POLR3A: variants seen among roughly 807,000 people sequenced by gnomAD.
POLR3A encodes the protein DNA-directed RNA polymerase III subunit RPC1.
In POLR3A, 112 loss-of-function variants were observed where a neutral mutation model predicts 152.8. The ratio of observed to expected loss-of-function variants is 0.73; its 90% CI spans 0.63 to 0.86. The LOEUF (loss-of-function observed/expected upper bound fraction) is 0.86, where lower values mean the gene tolerates loss of function less well. Among genes scored for constraint, POLR3A ranks in the 40% least tolerant of loss-of-function variants. The pLI is 0.00. For missense variants in POLR3A, 1,385 were observed against 1,743.1 expected (o/e 0.79, Z 3.66); for synonymous variants, 615 against 652.1 (o/e 0.94, Z 0.87).
chr10:77,985,961 G>A lies in POLR3A; in HGVS notation c.3013C>T (p.Arg1005Cys), dbSNP rs267608682. ...TTTTCTACTTGGGTGGGGGTGATGC[G>A]GTCCAGCTGGTACAGCACACGGGGC... The part of the protein sequence containing the change: ...TEPRVLYQLD[R>C]ITPTQVEKFL... The change falls in exon 23 of 31, where the codon CGC becomes TGC. Residue 1005 changes from arginine (R) to cysteine (C), a missense_variant. Coordinates refer to ENST00000372371, the MANE Select transcript of POLR3A (RefSeq NM_007055.4). 13 of 1,614,054 alleles carry A rather than the reference G, an allele frequency of 8.1e-6. No homozygotes were observed. Among genetic ancestry groups the A allele is most frequent in the Middle Eastern group, 1.6e-4 (1 of 6,062 alleles).
chr10:78,012,369 A>G (rs569307039), intron 11 of POLR3A, among the ~76,000 whole-genome samples: 1 of 151,994 alleles, frequency 6.6e-6, no homozygotes, highest in South Asian at 2.1e-4. Context: ...CGTCTCAAAC[A>G]AACAAACAAA....
intron 10 of POLR3A, 45 bp downstream of exon 10, chr10:78,017,530 G>A (rs367869474): frequency 2.0e-5 from 32 of 1,600,518 alleles, no homozygotes; most frequent in Admixed American, 1.0e-4. Context: ...AACAGTCATG[G>A]CAAATTTCTA....
At chr10:78,025,374 T>C (rs532626382) in intron 3 of POLR3A, among the ~76,000 whole-genome samples, 1 of 152,372 alleles carries the variant, frequency 6.6e-6, no homozygotes, top group Non-Finnish European at 1.5e-5. Context: ...TGTGCTATTC[T>C]GTATTGTTTG....
rs1847243448 is a variant in POLR3A at position 77,991,101 on chromosome 10, T to C, written c.2854A>G (p.Ile952Val). 5 of 1,613,738 alleles carry C rather than the reference T, an allele frequency of 3.1e-6. No individual in the cohort carries two copies. The highest frequency in any genetic ancestry group is 1.7e-5 in the Admixed American group (1 of 60,010). Residue 952 changes from isoleucine to valine, a missense_variant, in exon 21 of 31, where the codon ATC becomes GTC. Around this residue, in one of 7 missense-constraint regions of POLR3A, gnomAD observed 178 missense variants for 204.6 expected, o/e 0.87. Coordinates refer to ENST00000372371, the MANE Select transcript of POLR3A (RefSeq NM_007055.4). ...CAGAGGAACTCACTCTTCTTCATGA[T>C]GGACTCTGTGGTCAGGATCAGCTCG... ...KNELILTTESIMKKSEFLCCQ... is the reference protein window; with the variant it reads ...KNELILTTESVMKKSEFLCCQ...
chr10:78,009,410 T>C, intron 14 of POLR3A, 127 bp downstream of exon 14: 2 of 1,326,008 alleles, frequency 1.5e-6, no homozygotes, highest in South Asian at 1.2e-5. Flanking sequence ...AAGAAAAAAC[T>C]TTCCACCTAA....
intron 22 of POLR3A, 31 bp downstream of exon 22, chr10:77,986,042 G>A (rs771962425): frequency 5.0e-6 from 8 of 1,586,998 alleles, no homozygotes; most frequent in Middle Eastern, 1.7e-4. Flanking sequence ...CAAACAGCTC[G>A]GGGTTCTAAC....
Position 78,019,335 on chromosome 10 carries a change from G to A in POLR3A, c.1186-70C>T, listed in dbSNP as rs557239926. The A allele has an allele frequency of 1.3e-4, 136 of 1,039,194 alleles. 2 individuals are homozygous for A. Among genetic ancestry groups the A allele is most frequent in the South Asian group, 1.1e-3 (90 of 79,614 alleles). The allele number at this position is 1,039,194 out of a possible 1,614,324, so 64.4% of individuals were successfully genotyped here. A position where few individuals can be genotyped will look rare whatever the true frequency, so the allele number is the denominator to read the frequency against. The stretch of plus-strand genomic sequence containing the variant: ...AAACTAACAAATGATACTGAAATGC[G>A]TCTTAATCTTTACTTTCCTTGTTCA... On this transcript the variant is annotated intron_variant, in intron 8 of 30. Transcript: ENST00000372371.
chr10:78,011,465 G>T (rs1344243686), intron 11 of POLR3A, among the ~76,000 whole-genome samples: 1 of 152,184 alleles, frequency 6.6e-6, no homozygotes, highest in Non-Finnish European at 1.5e-5. Context: ...ATGTGTATTT[G>T]TGGGTTTTCT....
intron 21 of POLR3A, among the ~76,000 whole-genome samples, chr10:77,990,616 C>T (rs949789851): frequency 6.8e-6 from 1 of 147,252 alleles, no homozygotes; most frequent in African/African-American, 2.6e-5. Context: ...GACTGCCTGT[C>T]ATTTTTTTTT....
rs548289456 is a variant in POLR3A, at chr10:78,001,496, G to T, written c.2360-402C>A. 7.2e-5 allele frequency among the ~76,000 whole-genome samples: 11 copies of T among 152,120 alleles called. No homozygotes were observed. In the East Asian group the frequency reaches 2.1e-3, roughly 29 times the overall value. ...AGTGTGGGCTATGTCCTGAGGGTAGGAAGCAGGAGAGCAATGGGGTAAAAG... is the reference window on the plus strand; with the variant it reads ...AGTGTGGGCTATGTCCTGAGGGTAGTAAGCAGGAGAGCAATGGGGTAAAAG... On this transcript the variant is annotated intron_variant, in intron 17 of 30. Coordinates refer to ENST00000372371, the MANE Select transcript of POLR3A (RefSeq NM_007055.4).
At position 78,021,684 on chromosome 10, in the gene POLR3A, T is replaced by C; in HGVS notation, c.1049-2A>G. The C allele has an allele frequency of 6.2e-7, 1 of 1,614,084 alleles. No individual in the cohort carries two copies. Among genetic ancestry groups the C allele is most frequent in the South Asian group, 1.1e-5 (1 of 91,074 alleles). ...CTGAGAGATTTCCTCTAAATCGACC[T>C]AAATAGCCAAAAACATGTCATAGGT... On this transcript the variant is annotated splice_acceptor_variant, in intron 7 of 30. Transcript: ENST00000372371. LOFTEE classifies it high-confidence loss of function.
At chr10:77,977,828 G>A (rs531196597) in intron 30 of POLR3A, among the ~76,000 whole-genome samples, 1 of 152,262 alleles carries the variant, frequency 6.6e-6, no homozygotes, top group Admixed American at 6.5e-5. Context: ...TGCACTTTCA[G>A]GGAAGGGCAG....
intron 10 of POLR3A, among the ~76,000 whole-genome samples, chr10:78,015,691 G>T (rs1847516786): frequency 1.3e-5 from 2 of 152,008 alleles, no homozygotes; most frequent in South Asian, 4.2e-4. Flanking sequence ...ACGTTGTCTA[G>T]GCTGGAGTGC....
chr10:78,010,421 C>A, intron 12 of POLR3A, 50 bp downstream of exon 12: 1 of 1,297,972 alleles, frequency 7.7e-7, no homozygotes, highest in Non-Finnish European at 1.1e-6. Context: ...GAACGAGGAA[C>A]ACTGTGTTCC....
intron 15 of POLR3A, among the ~76,000 whole-genome samples, chr10:78,006,059 G>A (rs961717722): frequency 3.3e-5 from 5 of 152,178 alleles, no homozygotes; most frequent in African/African-American, 9.7e-5. Flanking sequence ...TTCTCTCAGA[G>A]TGATCAGAGA....
intron 10 of POLR3A, among the ~76,000 whole-genome samples, chr10:78,015,247 C>A (rs575786424): frequency 2.6e-5 from 4 of 152,286 alleles, no homozygotes; most frequent in East Asian, 1.9e-4. Flanking sequence ...TGTGGCTAAA[C>A]CTTGAAAATT....
intron 19 of POLR3A, among the ~76,000 whole-genome samples, chr10:77,994,090 T>A (rs895815316): frequency 6.6e-6 from 1 of 152,196 alleles, no homozygotes; most frequent in African/African-American, 2.4e-5. Flanking sequence ...AAAACACACA[T>A]TATGACAAGA....
At chr10:78,026,359 T>C in intron 1 of POLR3A, 130 bp from the exon 2 acceptor site, 3 of 872,434 alleles carry the variant, frequency 3.4e-6, no homozygotes, top group East Asian at 5.2e-5. Context: ...CAGTATTAAA[T>C]ATATTTAACC....
rs777252594 is a variant in POLR3A at position 78,024,530 on chromosome 10, C to T, written c.645+19G>A. The T allele has an allele frequency of 2.4e-5, 38 of 1,611,692 alleles. No homozygotes were observed. The highest frequency in any genetic ancestry group is 1.1e-4 in the African/African-American group (8 of 74,794). On this transcript the variant is annotated intron_variant, in intron 5 of 30. Transcript: ENST00000372371. ...AGGCGGGAGGCAGGCGGAAGGCAGG[C>T]GTGCATTCTCAGGCTCACCTGTGCC...
Sources: gnomAD v4.1 joint callset for allele counts (sites outside exome capture counted in the v4.1 genomes callset) on GRCh38, gnomAD v4.1.1 for gene constraint, gnomAD v4.1.1 regional missense constraint, MANE v1.5 for transcripts, NCBI Gene and HGNC (gene_info 2026-07-23, HGNC 2026-07-21) for gene names.